Variants in SNX29 observed in about 807,000 individuals in gnomAD.
The protein encoded by SNX29 is sorting nexin-29.
SNX29 carries 78 observed loss-of-function variants against 102.1 expected under a neutral mutation model. The observed-to-expected ratio is 0.76, with a 90% confidence interval of 0.64 to 0.92. The LOEUF is 0.92. Ranked by LOEUF, SNX29 falls within the 40% of genes least tolerant of loss-of-function variation. The pLI is 0.00. For missense variants in SNX29, 1,280 were observed against 1,061.7 expected (o/e 1.21, Z -2.86); for synonymous variants, 580 against 414.5 (o/e 1.40, Z -4.85).
intron 14 of SNX29, among the ~76,000 whole-genome samples, chr16:12,267,687 T>A (rs2078968550): frequency 6.6e-6 from 1 of 152,234 alleles, no homozygotes; most frequent in South Asian, 2.1e-4. Flanking sequence ...AGCTGGAGGC[T>A]GTTGGGTAAC....
intron 6 of SNX29, among the ~76,000 whole-genome samples, chr16:12,047,271 C>G (rs1000869683): frequency 6.6e-6 from 1 of 152,222 alleles, no homozygotes; most frequent in African/African-American, 2.4e-5. Context: ...CGCCCTTTGA[C>G]TCAAAGTGTG....
chr16:12,015,328 ACT>A (rs1479881953), intron 3 of SNX29, among the ~76,000 whole-genome samples: 1 of 151,514 alleles, frequency 6.6e-6, no homozygotes, highest in Non-Finnish European at 1.5e-5. Flanking sequence ...GCTCACTGAA[ACT>A]CTCTGGTTCA....
At chr16:12,443,269 G>C (rs12924020) in intron 18 of SNX29, 53,414 of 242,264 alleles carry the variant, frequency 0.22, 6,212 homozygotes, top group South Asian at 0.3. Context: ...TACTAGAGGG[G>C]CCCACGCTGT....
At chr16:12,161,126 G>A (rs112115220) in intron 13 of SNX29, among the ~76,000 whole-genome samples, 2,731 of 152,250 alleles carry the variant, frequency 0.018, 81 homozygotes, top group African/African-American at 0.062. Flanking sequence ...ATGATTTCCA[G>A]TGTCTGATAC....
chr16:12,144,987 C>T (rs969883085), intron 13 of SNX29, among the ~76,000 whole-genome samples: 5 of 152,232 alleles, frequency 3.3e-5, no homozygotes, highest in Non-Finnish European at 7.3e-5. Flanking sequence ...TCCCAAAGTG[C>T]TGGGATTACA....
chr16:12,346,908 C>T (rs1392221434), intron 15 of SNX29, among the ~76,000 whole-genome samples: 10 of 152,116 alleles, frequency 6.6e-5, no homozygotes, highest in Admixed American at 3.9e-4. Context: ...GGCCACATGT[C>T]GGGAGAAATG....
At position 12,530,883 on chromosome 16, in the gene SNX29, C is replaced by T. The variant is rs557989616; in HGVS notation, c.2318+6042C>T. Among the ~76,000 whole-genome samples, 4 of 152,266 alleles carry T rather than the reference C, an allele frequency of 2.6e-5. 1 individual carries two copies. In the South Asian group the frequency reaches 8.3e-4, roughly 32 times the overall value. ...CTTTCTTAATTTAATAAAACTGGCT[C>T]AGTCCTTCTGAAAGGTAATAGTATC... On this transcript the variant is annotated intron_variant, in intron 20 of 20. Transcript: ENST00000566228.
chr16:12,044,843 C>T (rs370897992), intron 5 of SNX29, among the ~76,000 whole-genome samples: 382 of 152,230 alleles, frequency 2.5e-3, no homozygotes, highest in African/African-American at 8.6e-3. Context: ...GGCCTCCCGA[C>T]GTGCTGGGAT....
At chr16:12,364,799 T>A (rs2082413594) in intron 16 of SNX29, among the ~76,000 whole-genome samples, 1 of 152,144 alleles carries the variant, frequency 6.6e-6, no homozygotes, top group African/African-American at 2.4e-5. Context: ...GCAGAAAAGA[T>A]GGCCTGGCTT....
chr16:12,406,777 T>G (rs1299752337), intron 18 of SNX29, among the ~76,000 whole-genome samples: 1 of 152,132 alleles, frequency 6.6e-6, no homozygotes, highest in South Asian at 2.1e-4. Context: ...GCGTTGCTGT[T>G]GCATGCCTGT....
intron 19 of SNX29, among the ~76,000 whole-genome samples, chr16:12,505,398 G>A (rs1348493776): frequency 6.6e-6 from 1 of 151,980 alleles, no homozygotes; most frequent in Non-Finnish European, 1.5e-5. Context: ...GAATTTTCTT[G>A]GCATCCTTGT....
At chr16:12,212,111 G>C (rs1464714096) in intron 14 of SNX29, among the ~76,000 whole-genome samples, 1 of 152,162 alleles carries the variant, frequency 6.6e-6, no homozygotes, top group East Asian at 1.9e-4. Flanking sequence ...CTCGGTGGTG[G>C]TGTGTGACGA....
At chr16:12,541,922 C>T (rs1468559694) in intron 20 of SNX29, among the ~76,000 whole-genome samples, 3 of 152,190 alleles carry the variant, frequency 2.0e-5, no homozygotes, top group Non-Finnish European at 4.4e-5. Context: ...ACTGATTGCC[C>T]ACGGTACATC....
chr16:12,510,908 G>A (rs1191298427), intron 19 of SNX29, among the ~76,000 whole-genome samples: 1 of 152,096 alleles, frequency 6.6e-6, no homozygotes, highest in Non-Finnish European at 1.5e-5. Flanking sequence ...AGGAGTCATC[G>A]CAGGTGGGGT....
At chr16:12,304,463 T>G (rs1319278779) in intron 15 of SNX29, among the ~76,000 whole-genome samples, 1 of 152,232 alleles carries the variant, frequency 6.6e-6, no homozygotes, top group Non-Finnish European at 1.5e-5. Flanking sequence ...GACATTTAAT[T>G]CATTTTGCAG....
chr16:12,297,400 A>C (rs1447661170), intron 15 of SNX29: 2 of 151,970 alleles, frequency 1.3e-5, no homozygotes, highest in East Asian at 3.9e-4. Context: ...TTTTTTGTTT[A>C]TTGGTTTGTT....
At position 12,570,041 on chromosome 16, in the gene SNX29, A is replaced by G. The variant is rs1382629586; in HGVS notation, c.*1412A>G. 2.2e-6 allele frequency: 1 copy of G among 451,272 alleles called. No homozygotes were observed. Among genetic ancestry groups the G allele is most frequent in the Non-Finnish European group, 3.1e-6 (1 of 318,152 alleles). The allele number at this position is 451,272 out of a possible 1,614,324, so 28.0% of individuals were successfully genotyped here. A position where few individuals can be genotyped will look rare whatever the true frequency, so the allele number is the denominator to read the frequency against. On this transcript the variant is annotated 3_prime_UTR_variant, in exon 21 of 21. Coordinates refer to ENST00000566228, the MANE Select transcript of SNX29 (RefSeq NM_032167.5). ...CCCAGGTGAGCATGGAGCATCTCCT[A>G]GGCTCGAGGACATCTCTGGAGAATC...
intron 13 of SNX29, among the ~76,000 whole-genome samples, chr16:12,146,183 A>C (rs527395979): frequency 6.6e-6 from 1 of 152,240 alleles, no homozygotes; most frequent in Admixed American, 6.5e-5. Context: ...TGACTATCTC[A>C]GTATCTGTGT....
intron 19 of SNX29, among the ~76,000 whole-genome samples, chr16:12,509,653 TTACACCTGTA>T (rs1567635880): frequency 6.6e-6 from 1 of 152,214 alleles, no homozygotes; most frequent in Admixed American, 6.5e-5. Flanking sequence ...GGGTAGTGGC[TTACACCTGTA>T]ATCGCAGCAC....
Sources: allele counts gnomAD v4.1 joint callset (sites outside exome capture counted in the v4.1 genomes callset), GRCh38; gene constraint gnomAD v4.1.1; transcripts MANE v1.5; gene names NCBI Gene and HGNC (gene_info 2026-07-23, HGNC 2026-07-21).